RPSA2: variants seen among roughly 807,000 people sequenced by gnomAD.
RPSA2 encodes small ribosomal subunit protein uS2B.
At chr19:23,845,774 G>A in the RPSA2 span, among the ~76,000 whole-genome samples, 1 of 152,200 alleles carries the variant, frequency 6.6e-6, no homozygotes, top group Non-Finnish European at 1.5e-5. Context: ...TTACAGGTGT[G>A]AGCCACCACC....
At chr19:23,870,282 A>G in the RPSA2 span, among the ~76,000 whole-genome samples, 3 of 152,346 alleles carry the variant, frequency 2.0e-5, no homozygotes, top group African/African-American at 4.8e-5. Context: ...CCAACTAAGC[A>G]TGGCTACTTC....
chr19:23,773,100 TATA>T, the RPSA2 span, among the ~76,000 whole-genome samples: 145,469 of 150,042 alleles, frequency 0.97, 70,610 homozygotes, highest in Non-Finnish European at 0.99. Flanking sequence ...TATATATATA[TATA>T]TATTTTTATT....
the RPSA2 span, among the ~76,000 whole-genome samples, chr19:23,816,532 T>C: frequency 6.6e-6 from 1 of 152,234 alleles, no homozygotes; most frequent in African/African-American, 2.4e-5. Context: ...ATTCACTGTT[T>C]TATTGCCTTA....
the RPSA2 span, among the ~76,000 whole-genome samples, chr19:23,760,862 A>G: frequency 2.2e-4 from 33 of 151,010 alleles, no homozygotes; most frequent in African/African-American, 7.8e-4. Context: ...TTGGGGTTTT[A>G]CCATTTTGGG....
At chr19:23,830,600 G>GT in the RPSA2 span, among the ~76,000 whole-genome samples, 2 of 150,748 alleles carry the variant, frequency 1.3e-5, no homozygotes, top group African/African-American at 2.4e-5. Context: ...GGATCTATTA[G>GT]TTTTTTTTAA....
At chr19:23,808,126 G>A in the RPSA2 span, among the ~76,000 whole-genome samples, 39 of 152,098 alleles carry the variant, frequency 2.6e-4, no homozygotes, top group Non-Finnish European at 5.1e-4. Flanking sequence ...ATTCCTGAGC[G>A]GATCTGTGTC....
chr19:23,813,069 CA>C, the RPSA2 span, among the ~76,000 whole-genome samples: 2 of 151,780 alleles, frequency 1.3e-5, no homozygotes, highest in African/African-American at 4.8e-5. Context: ...TCTCTACAAA[CA>C]TTTTTTTTCT....
chr19:23,867,976 A>T, the RPSA2 span, among the ~76,000 whole-genome samples: 1 of 152,194 alleles, frequency 6.6e-6, no homozygotes, highest in African/African-American at 2.4e-5. Flanking sequence ...AGGAGAAGCT[A>T]GCTCAACTTC....
chr19:23,826,891 AT>A, the RPSA2 span, among the ~76,000 whole-genome samples: 148,506 of 151,822 alleles, frequency 0.98, 72,725 homozygotes, highest in Middle Eastern at 1. Flanking sequence ...AGGGTTCACC[AT>A]TGTTGGTCTG....
the RPSA2 span, among the ~76,000 whole-genome samples, chr19:23,848,300 T>C: frequency 6.6e-6 from 1 of 152,188 alleles, no homozygotes; most frequent in Non-Finnish European, 1.5e-5. Flanking sequence ...CCCTTTCTTT[T>C]TATATAAACG....
the RPSA2 span, among the ~76,000 whole-genome samples, chr19:23,789,024 T>TTTC: frequency 1.8e-5 from 2 of 109,590 alleles, no homozygotes; most frequent in Non-Finnish European, 3.9e-5. Context: ...TCTTTCTTTC[T>TTTC]TTTTTTTTTT....
At chr19:23,758,762 G>A in the RPSA2 span, 2 of 1,614,186 alleles carry the variant, frequency 1.2e-6, no homozygotes, top group Non-Finnish European at 1.7e-6. Flanking sequence ...CTAGGTTTCC[G>A]GGGGACCTGG....
the RPSA2 span, among the ~76,000 whole-genome samples, chr19:23,861,402 A>G: frequency 4.1e-3 from 630 of 152,180 alleles, 1 homozygote; most frequent in African/African-American, 0.014. Flanking sequence ...TACCCACCAC[A>G]CAGAGGACCA....
At chr19:23,788,736 ATAT>A in the RPSA2 span, among the ~76,000 whole-genome samples, 5 of 151,906 alleles carry the variant, frequency 3.3e-5, no homozygotes, top group African/African-American at 1.2e-4. Context: ...ATATTGTTAC[ATAT>A]TATTGGGTCT....
chr19:23,842,736 T>G, the RPSA2 span: 148,919 of 152,256 alleles, frequency 0.98, 72,921 homozygotes, highest in Middle Eastern at 1. Flanking sequence ...CTTTGTAGAA[T>G]GATTTTGGGA....
the RPSA2 span, among the ~76,000 whole-genome samples, chr19:23,798,675 T>C: frequency 6.6e-6 from 1 of 152,062 alleles, no homozygotes; most frequent in African/African-American, 2.4e-5. Context: ...ATATCTAATA[T>C]CCAAAGAAAT....
chr19:23,861,592 T>A, the RPSA2 span, among the ~76,000 whole-genome samples: 1 of 152,162 alleles, frequency 6.6e-6, no homozygotes, highest in Non-Finnish European at 1.5e-5. Context: ...TCTACCAGCG[T>A]TCTGCTTTAG....
the RPSA2 span, among the ~76,000 whole-genome samples, chr19:23,826,225 A>G: frequency 0.98 from 146,514 of 149,780 alleles, 71,749 homozygotes; most frequent in Middle Eastern, 1. Context: ...CTGGAGTCTT[A>G]CTCTGCTACT....
chr19:23,781,047 T>C, the RPSA2 span, among the ~76,000 whole-genome samples: 1 of 152,232 alleles, frequency 6.6e-6, no homozygotes, highest in Non-Finnish European at 1.5e-5. Flanking sequence ...TGATCTCGGC[T>C]CACTGCAACC....
Sources: gnomAD v4.1 joint callset for allele counts (sites outside exome capture counted in the v4.1 genomes callset) on GRCh38, gnomAD v4.1.1 for gene constraint, MANE v1.5 for transcripts, NCBI Gene and HGNC (gene_info 2026-07-23, HGNC 2026-07-21) for gene names.